ZDHHC15: variants seen among roughly 807,000 people sequenced by gnomAD.
ZDHHC15 encodes zDHHC palmitoyltransferase 15, also known as palmitoyltransferase ZDHHC15.
Under a neutral mutation model 31.7 loss-of-function variants are expected in ZDHHC15, and 19 were observed. The observed-to-expected ratio is 0.60, with a 90% CI of 0.42 to 0.88. The LOEUF is 0.88. ZDHHC15 is among the 40% of genes least tolerant of loss of function. The pLI is 0.00. For missense variants in ZDHHC15, 209 were observed against 251.2 expected, an observed-to-expected ratio of 0.83 and a Z score of 1.14; for synonymous variants, 103 against 90.0, an observed-to-expected ratio of 1.14 and a Z score of -0.82.
intron 3 of ZDHHC15, among the ~76,000 whole-genome samples, chrX:75,451,489 C>A (rs1466724007): frequency 3.6e-5 from 4 of 111,672 alleles, no homozygotes; most frequent in Non-Finnish European, 7.5e-5. Flanking sequence ...AGCTTGTTGC[C>A]ACAATAGTGC....
In ZDHHC15 at chrX:75,387,090, G is replaced by A. The variant is rs2083187869; in HGVS notation, c.968-7892C>T. On this transcript the variant is annotated intron_variant, in intron 10 of 11. Transcript: ENST00000373367. ...TGTTTACTAGATCCTAGGAAAAACA[G>A]AGCTTAAGGCACCATCTACTACTGA... is the stretch of plus-strand genomic sequence containing the variant. 5.4e-5 allele frequency among the ~76,000 whole-genome samples: 6 copies of A among 111,443 alleles called. No individual in the cohort carries two copies. In the South Asian group the frequency reaches 2.3e-3, roughly 42 times the overall value.
chrX:75,479,093 A>G, intron 2 of ZDHHC15, 108 bp from the exon 3 acceptor site: 1 of 471,523 alleles, frequency 2.1e-6, no homozygotes, highest in South Asian at 5.0e-5. Context: ...ATTAACATGT[A>G]TTCTCTGGTA....
intron 3 of ZDHHC15, among the ~76,000 whole-genome samples, chrX:75,467,515 G>A (rs1476881497): frequency 8.9e-6 from 1 of 111,890 alleles, no homozygotes; most frequent in Non-Finnish European, 1.9e-5. Flanking sequence ...GATGTACTTG[G>A]GTATTAAAGA....
intron 8 of ZDHHC15, among the ~76,000 whole-genome samples, chrX:75,422,491 T>G (rs1322214050): frequency 2.7e-5 from 3 of 112,020 alleles, no homozygotes; most frequent in Non-Finnish European, 5.6e-5. Flanking sequence ...TGTAAGAAAC[T>G]GAGTTTTACT....
rs1569320786 is a variant in ZDHHC15, at chrX:75,421,430, TA to T, written c.863+433del. Among the ~76,000 whole-genome samples, 24 of 65,213 alleles carry T rather than the reference TA, an allele frequency of 3.7e-4. 1 individual carries two copies. Among genetic ancestry groups the T allele is most frequent in the African/African-American group, 1.7e-3 (23 of 13,364 alleles). 56.6% of individuals were successfully genotyped at this position (65,213 alleles called of 115,157 possible). A position where few individuals can be genotyped will look rare whatever the true frequency, so the allele number is the denominator to read the frequency against. On this transcript the variant is annotated intron_variant, in intron 9 of 11. Coordinates refer to ENST00000373367, the MANE Select transcript of ZDHHC15 (RefSeq NM_144969.3). ...ATATATAATATATATATAATATATA[TA>T]TAATATATATTATATATATATATTC...
At chrX:75,522,025 C>A (rs2085449598) in intron 1 of ZDHHC15, among the ~76,000 whole-genome samples, 4 of 111,129 alleles carry the variant, frequency 3.6e-5, no homozygotes, top group African/African-American at 1.3e-4. Context: ...ATAGCAGGGT[C>A]ACCAGTATAA....
At chrX:75,463,915 C>A (rs998318692) in intron 3 of ZDHHC15, among the ~76,000 whole-genome samples, 1 of 111,797 alleles carries the variant, frequency 8.9e-6, no homozygotes, top group Non-Finnish European at 1.9e-5. Flanking sequence ...TACCATTTGA[C>A]CCAGCCATCC....
At chrX:75,459,485 A>T (rs1174513540) in intron 3 of ZDHHC15, among the ~76,000 whole-genome samples, 1 of 110,932 alleles carries the variant, frequency 9.0e-6, no homozygotes, top group East Asian at 2.8e-4. Flanking sequence ...AGCTTTGGAG[A>T]GTGCAAATGG....
intron 4 of ZDHHC15, among the ~76,000 whole-genome samples, chrX:75,433,709 ATATATAT>A (rs2083814128): frequency 9.7e-6 from 1 of 103,226 alleles, no homozygotes; most frequent in African/African-American, 3.6e-5. Context: ...ATATATATAT[ATATATAT>A]ATGTAACATT....
At chrX:75,515,770 A>G (rs1224940695) in intron 1 of ZDHHC15, among the ~76,000 whole-genome samples, 1 of 111,704 alleles carries the variant, frequency 9.0e-6, no homozygotes, top group African/African-American at 3.3e-5. Context: ...AGGGTATTCA[A>G]TTAGGAAAAA....
chrX:75,518,772 T>C (rs866681063), intron 1 of ZDHHC15, among the ~76,000 whole-genome samples: 1 of 17,623 alleles, frequency 5.7e-5, no homozygotes, highest in Non-Finnish European at 1.0e-4. Context: ...CAAACTGGTA[T>C]ATATATATAT....
intron 4 of ZDHHC15, among the ~76,000 whole-genome samples, chrX:75,440,141 A>G (rs1432224983): frequency 5.4e-5 from 6 of 112,128 alleles, no homozygotes; most frequent in African/African-American, 1.6e-4. Flanking sequence ...GTTTTCTCAA[A>G]TGCTGTTTGT....
intron 2 of ZDHHC15, among the ~76,000 whole-genome samples, chrX:75,486,589 G>T (rs932311901): frequency 8.0e-5 from 9 of 112,095 alleles, no homozygotes; most frequent in Non-Finnish European, 1.3e-4. Flanking sequence ...GTAGCCTGGG[G>T]CAAGATCTCA....
At position 75,439,805 on chromosome X, in the gene ZDHHC15, G is replaced by A. The variant is rs143121486; in HGVS notation, c.380-8285C>T. Among the ~76,000 whole-genome samples the A allele has an allele frequency of 5.0e-4, 56 of 111,427 alleles. No homozygotes were observed. In the East Asian group the frequency reaches 0.016, roughly 31 times the overall value. ...CTCATTTGGGTAGACTATGTCAGAG[G>A]AACGTTCTGTGGCTCAAGGGCTGCT... is the stretch of plus-strand genomic sequence containing the variant. On this transcript the variant is annotated intron_variant, in intron 4 of 11. Coordinates refer to ENST00000373367, the MANE Select transcript of ZDHHC15 (RefSeq NM_144969.3).
At position 75,464,732 on chromosome X, in the gene ZDHHC15, C is replaced by A. The variant is rs150843056; in HGVS notation, c.259-13810G>T. Among the ~76,000 whole-genome samples the A allele has an allele frequency of 5.2e-4, 58 of 111,567 alleles. 1 individual carries two copies. The highest frequency in any genetic ancestry group is 1.8e-3 in the African/African-American group (55 of 30,781). On this transcript the variant is annotated intron_variant, in intron 3 of 11. Transcript: ENST00000373367. ...AACCACATCATTATCTCAATAGATG[C>A]AGGCCTGTGATAAAATTGAACATCT...
chrX:75,466,557 A>AAAAT (rs769261193), intron 3 of ZDHHC15, among the ~76,000 whole-genome samples: 19 of 111,604 alleles, frequency 1.7e-4, no homozygotes, highest in East Asian at 1.1e-3. Context: ...CTTTTCTTTA[A>AAAAT]AAATAAATAA....
At chrX:75,482,839 G>A (rs1211664935) in intron 2 of ZDHHC15, among the ~76,000 whole-genome samples, 2 of 109,710 alleles carry the variant, frequency 1.8e-5, no homozygotes, top group Non-Finnish European at 3.8e-5. Flanking sequence ...TGTTTTGGGC[G>A]TTGAAGTGTC....
intron 2 of ZDHHC15, among the ~76,000 whole-genome samples, chrX:75,487,764 T>C (rs1327525344): frequency 9.0e-6 from 1 of 111,271 alleles, no homozygotes; most frequent in African/African-American, 3.3e-5. Context: ...GAAAACCAGC[T>C]TAAAGAAATT....
At chrX:75,451,274 T>C (rs556960228) in intron 3 of ZDHHC15, among the ~76,000 whole-genome samples, 2 of 112,010 alleles carry the variant, frequency 1.8e-5, no homozygotes, top group Admixed American at 1.9e-4. Flanking sequence ...TGATGTTGCA[T>C]ACAGATGTGT....
Sources: gnomAD v4.1 joint callset for allele counts (sites outside exome capture counted in the v4.1 genomes callset) on GRCh38, gnomAD v4.1.1 for gene constraint, MANE v1.5 for transcripts, NCBI Gene and HGNC (gene_info 2026-07-23, HGNC 2026-07-21) for gene names.